Variants in SLC28A1 observed in about 807,000 individuals in gnomAD.
SLC28A1 encodes sodium/nucleoside cotransporter 1.
SLC28A1 carries 64 observed loss-of-function variants against 74.8 expected under a neutral mutation model. The observed-to-expected ratio is 0.86, with a 90% CI of 0.70 to 1.05. The LOEUF is 1.05. Ranked by LOEUF, SLC28A1 falls within the 50% of genes least tolerant of loss-of-function variation. The pLI, the probability that SLC28A1 is intolerant of heterozygous loss-of-function variation, is 0.00. For missense variants in SLC28A1, 828 were observed against 822.8 expected (o/e 1.01, Z -0.08); for synonymous variants, 359 against 335.0 (o/e 1.07, Z -0.78).
intron 8 of SLC28A1, among the ~76,000 whole-genome samples, chr15:84,906,581 C>CTTTCT (rs1567140901): frequency 3.9e-4 from 20 of 50,914 alleles, no homozygotes; most frequent in Admixed American, 3.3e-3. Flanking sequence ...TTTCTTCCTT[C>CTTTCT]CTTCCTTCCT....
intron 9 of SLC28A1, among the ~76,000 whole-genome samples, chr15:84,916,817 C>G (rs1969164173): frequency 6.6e-6 from 1 of 152,098 alleles, no homozygotes. Flanking sequence ...CACTTGAGGT[C>G]AGGAGCTCGA....
intron 6 of SLC28A1, among the ~76,000 whole-genome samples, chr15:84,898,396 G>A (rs546654028): frequency 2.0e-5 from 3 of 152,080 alleles, no homozygotes; most frequent in Non-Finnish European, 2.9e-5. Flanking sequence ...GGCTAACATG[G>A]TGAAACCACA....
At chr15:84,935,622 A>G in intron 15 of SLC28A1, 104 bp downstream of exon 15, 2 of 966,786 alleles carry the variant, frequency 2.1e-6, no homozygotes, top group Non-Finnish European at 3.2e-6. Flanking sequence ...TGGCTGAGAC[A>G]CACTGAAGTG....
At chr15:84,903,472 C>T (rs901899248) in intron 6 of SLC28A1, among the ~76,000 whole-genome samples, 12 of 152,178 alleles carry the variant, frequency 7.9e-5, no homozygotes, top group East Asian at 1.9e-4. Context: ...AATTGATGAC[C>T]GGATTGGGGT....
intron 6 of SLC28A1, among the ~76,000 whole-genome samples, chr15:84,897,882 G>T (rs12910245): frequency 0.1 from 15,762 of 152,240 alleles, 1,072 homozygotes; most frequent in Non-Finnish European, 0.13. Context: ...GGAACACACA[G>T]TATTTGTCTT....
intron 9 of SLC28A1, among the ~76,000 whole-genome samples, chr15:84,910,238 G>A (rs1375290964): frequency 6.6e-6 from 1 of 152,194 alleles, no homozygotes; most frequent in Non-Finnish European, 1.5e-5. Context: ...GAGAATATTG[G>A]GAGGGGGAGC....
intron 5 of SLC28A1, among the ~76,000 whole-genome samples, chr15:84,894,109 C>G: frequency 6.6e-6 from 1 of 152,046 alleles, no homozygotes; most frequent in Admixed American, 6.5e-5. Context: ...CGGTGGCTTA[C>G]GCTTGTAATC....
intron 9 of SLC28A1, among the ~76,000 whole-genome samples, chr15:84,911,285 C>T (rs1968171800): frequency 6.6e-6 from 1 of 152,220 alleles, no homozygotes; most frequent in Admixed American, 6.5e-5. Context: ...CCCTGAATCA[C>T]CCTTTAGAAT....
chr15:84,960,228 CTTTTTTTTTTTTTTTTTTTTTTTTTTTTT>C, the SLC28A1 span, among the ~76,000 whole-genome samples: 6 of 85,572 alleles, frequency 7.0e-5, no homozygotes, highest in Admixed American at 3.8e-4. Context: ...TGCCTGCCTG[CTTTTTTTTTTTTTTTTTTTTTTTTTTTTT>C]TTTTTTTTTT....
the SLC28A1 span, among the ~76,000 whole-genome samples, chr15:84,966,388 C>T: frequency 6.6e-6 from 1 of 152,226 alleles, no homozygotes; most frequent in Admixed American, 6.5e-5. Flanking sequence ...TCTTTAGAGT[C>T]AAAGTCTTGC....
chr15:84,910,009 C>T (rs908980874), intron 9 of SLC28A1, among the ~76,000 whole-genome samples: 1 of 152,224 alleles, frequency 6.6e-6, no homozygotes, highest in African/African-American at 2.4e-5. Context: ...ATCATGAGTT[C>T]AGACCCTCCT....
the SLC28A1 span, among the ~76,000 whole-genome samples, chr15:84,970,698 T>A: frequency 6.6e-6 from 1 of 152,052 alleles, no homozygotes; most frequent in Admixed American, 6.6e-5. Context: ...AAACTTTCCC[T>A]TCTAAAATCA....
chr15:84,968,894 C>T, the SLC28A1 span, among the ~76,000 whole-genome samples: 6 of 152,150 alleles, frequency 3.9e-5, no homozygotes, highest in Non-Finnish European at 8.8e-5. Context: ...AGAGTAAGCC[C>T]AGCCCATCAG....
intron 12 of SLC28A1, among the ~76,000 whole-genome samples, chr15:84,925,443 A>G (rs1970400910): frequency 6.6e-6 from 1 of 152,120 alleles, no homozygotes; most frequent in Admixed American, 6.6e-5. Flanking sequence ...TACTAAAAAT[A>G]CAAAAAAATA....
chr15:84,956,865 G>C, the SLC28A1 span, among the ~76,000 whole-genome samples: 1 of 152,038 alleles, frequency 6.6e-6, no homozygotes, highest in East Asian at 1.9e-4. Flanking sequence ...AAGACAGTAA[G>C]ATGTGCCATT....
intron 13 of SLC28A1, among the ~76,000 whole-genome samples, chr15:84,933,966 C>T (rs1971598940): frequency 6.6e-6 from 1 of 152,154 alleles, no homozygotes; most frequent in Non-Finnish European, 1.5e-5. Flanking sequence ...CAGAGCGAAA[C>T]TCCGTCTCAA....
downstream of SLC28A1, among the ~76,000 whole-genome samples, chr15:84,946,110 A>ATTTTTT (rs1382844934): frequency 2.2e-3 from 21 of 9,588 alleles, no homozygotes; most frequent in African/African-American, 5.3e-3. Flanking sequence ...ATATATATAT[A>ATTTTTT]TATTTTTTTT....
chr15:84,906,499 GGTTTGTTTGTTTGTTT>G (rs141096497), intron 8 of SLC28A1, among the ~76,000 whole-genome samples: 1,184 of 117,140 alleles, frequency 0.01, 37 homozygotes, highest in Middle Eastern at 0.026. Context: ...ATTAAAACAT[GGTTTGTTTGTTTGTTT>G]GTTTGTTTGT....
intron 4 of SLC28A1, 144 bp downstream of exon 4, chr15:84,889,004 C>A: frequency 1.5e-6 from 1 of 652,434 alleles, no homozygotes. Flanking sequence ...TTAGCCAACA[C>A]GCACAGGCAC....
Sources: gnomAD v4.1 joint callset for allele counts (sites outside exome capture counted in the v4.1 genomes callset) on GRCh38, gnomAD v4.1.1 for gene constraint, MANE v1.5 for transcripts, NCBI Gene and HGNC (gene_info 2026-07-23, HGNC 2026-07-21) for gene names.